Variants in KCNJ6 observed in about 807,000 individuals in gnomAD.
The protein encoded by KCNJ6 is G protein-activated inward rectifier potassium channel 2.
A neutral mutation model predicts 34.2 loss-of-function variants in KCNJ6; 9 were observed. That is an observed-to-expected ratio of 0.26 (90% CI 0.16 to 0.46). The LOEUF is 0.46. KCNJ6 is among the 20% of genes least tolerant of loss of function. KCNJ6 has a pLI of 1.00. For synonymous variants in KCNJ6, 196 were observed against 207.1 expected, an observed-to-expected ratio of 0.95 and a Z score of 0.46; for missense variants, 236 against 531.3, an observed-to-expected ratio of 0.44 and a Z score of 5.46.
In KCNJ6 at chr21:37,761,207, TTGTG is replaced by T. The variant is rs369282745; in HGVS notation, c.26-46080_26-46077del. 9.9e-3 allele frequency among the ~76,000 whole-genome samples: 1,492 copies of T among 150,268 alleles called. 18 individuals carry two copies. Among genetic ancestry groups the T allele is most frequent in the African/African-American group, 0.034 (1,399 of 40,916 alleles). Reference sequence around the variant, plus strand: ...TGTGTGTGCGATGTGTGTGTATGTATTGTGTGTGTGTGTGCATGTCTGTGTGTGT... The same window carrying T: ...TGTGTGTGCGATGTGTGTGTATGTATTGTGTGTGTGCATGTCTGTGTGTGT... On this transcript the variant is annotated intron_variant, in intron 2 of 3. Transcript: ENST00000609713.
chr21:37,706,838 T>C (rs1601428585), intron 3 of KCNJ6, among the ~76,000 whole-genome samples: 1 of 152,242 alleles, frequency 6.6e-6, no homozygotes, highest in African/African-American at 2.4e-5. Flanking sequence ...ATTTTCTAAA[T>C]TGGAACATCA....
At position 37,762,718 on chromosome 21, in the gene KCNJ6, G is replaced by A. The variant is rs573818832; in HGVS notation, c.26-47587C>T. ...GCCATTCGGTGACCTGTGGCGCTGC[G>A]CTGTGTGATGATTGCTGATCAGCTG... On this transcript the variant is annotated intron_variant, in intron 2 of 3. Transcript: ENST00000609713. 4.6e-5 allele frequency among the ~76,000 whole-genome samples: 7 copies of A among 152,184 alleles called. No individual in the cohort carries two copies. The East Asian group carries it at 5.8e-4, about 13-fold the overall frequency.
At chr21:37,769,321 A>G (rs754958906) in intron 2 of KCNJ6, among the ~76,000 whole-genome samples, 16 of 151,898 alleles carry the variant, frequency 1.1e-4, no homozygotes, top group South Asian at 4.2e-4. Context: ...GTGTTCAGAT[A>G]CCCCCCACCC....
At chr21:37,720,800 C>T (rs1316903769) in intron 2 of KCNJ6, among the ~76,000 whole-genome samples, 4 of 151,352 alleles carry the variant, frequency 2.6e-5, no homozygotes, top group African/African-American at 7.3e-5. Context: ...CTCCGCTTCC[C>T]GGGTTCACGC....
At chr21:37,725,705 C>T (rs763356559) in intron 2 of KCNJ6, among the ~76,000 whole-genome samples, 29 of 152,172 alleles carry the variant, frequency 1.9e-4, no homozygotes, top group Non-Finnish European at 2.9e-4. Context: ...AAATTGTATG[C>T]AGGGATGTAG....
At chr21:37,630,600 G>A (rs545281446) in intron 3 of KCNJ6, among the ~76,000 whole-genome samples, 1 of 152,278 alleles carries the variant, frequency 6.6e-6, no homozygotes, top group African/African-American at 2.4e-5. Flanking sequence ...AGGACCCTTA[G>A]CTAAGATATA....
intron 2 of KCNJ6, among the ~76,000 whole-genome samples, chr21:37,727,472 T>TGTGTGC (rs2054860820): frequency 6.6e-6 from 1 of 151,644 alleles, no homozygotes; most frequent in South Asian, 2.1e-4. Flanking sequence ...TGTGTGTGTG[T>TGTGTGC]GTGCATGGAT....
chr21:37,625,097 GA>G lies in KCNJ6; in HGVS notation c.*61del. ...AGCAAGAGAGACAGAAAAAGAAAGA[GA>G]ATGAGAGACAAGGAAAGATTGTGTT... On this transcript the variant is annotated 3_prime_UTR_variant, in exon 4 of 4. Coordinates refer to ENST00000609713, the MANE Select transcript of KCNJ6 (RefSeq NM_002240.5). 9 of 1,163,786 alleles carry G rather than the reference GA, an allele frequency of 7.7e-6. No homozygotes were observed. Among genetic ancestry groups the G allele is most frequent in the Non-Finnish European group, 1.0e-5 (8 of 802,396 alleles). 72.1% of individuals were successfully genotyped at this position (1,163,786 alleles called of 1,614,324 possible). A position where few individuals can be genotyped will look rare whatever the true frequency, so the allele number is the denominator to read the frequency against.
chr21:37,655,965 A>C (rs977197679), intron 3 of KCNJ6, among the ~76,000 whole-genome samples: 7 of 152,194 alleles, frequency 4.6e-5, no homozygotes, highest in Admixed American at 4.6e-4. Flanking sequence ...ATGGCATAGG[A>C]GAGAGCGTGT....
In KCNJ6 at chr21:37,623,882, C is replaced by T. The variant is rs190588432; in HGVS notation, c.*1277G>A. 1.3e-5 allele frequency: 2 copies of T among 152,298 alleles called. No homozygotes were observed. The highest frequency in any genetic ancestry group is 3.9e-4 in the East Asian group (2 of 5,182). 9.4% of individuals were successfully genotyped at this position (152,298 alleles called of 1,614,324 possible). A position where few individuals can be genotyped will look rare whatever the true frequency, so the allele number is the denominator to read the frequency against. On this transcript the variant is annotated 3_prime_UTR_variant, in exon 4 of 4. Coordinates refer to ENST00000609713, the MANE Select transcript of KCNJ6 (RefSeq NM_002240.5). ...CCAGGGACAGGCGAGATGTCATTCTCAGAAAGCCAGATAGAGTCAAAGTGA... is the reference window on the plus strand; with the variant it reads ...CCAGGGACAGGCGAGATGTCATTCTTAGAAAGCCAGATAGAGTCAAAGTGA...
At chr21:37,818,843 G>T (rs1003441010) in intron 2 of KCNJ6, among the ~76,000 whole-genome samples, 2 of 152,126 alleles carry the variant, frequency 1.3e-5, no homozygotes, top group Admixed American at 6.5e-5. Context: ...CAACCTGTTT[G>T]CATTTCTGAC....
intron 2 of KCNJ6, among the ~76,000 whole-genome samples, chr21:37,835,918 C>T (rs1438567261): frequency 6.6e-6 from 1 of 152,116 alleles, no homozygotes; most frequent in Non-Finnish European, 1.5e-5. Context: ...TGTGAAGATG[C>T]AAATAGAGAT....
At chr21:37,772,937 G>A (rs958790143) in intron 2 of KCNJ6, among the ~76,000 whole-genome samples, 7 of 152,184 alleles carry the variant, frequency 4.6e-5, no homozygotes, top group African/African-American at 1.7e-4. Context: ...AATCCTTTCA[G>A]GAAGCCTGAT....
chr21:37,655,246 AGAGAGAGAG>A (rs2054457537), intron 3 of KCNJ6, among the ~76,000 whole-genome samples: 1 of 44,142 alleles, frequency 2.3e-5, no homozygotes, highest in African/African-American at 1.4e-4. Flanking sequence ...AGAGAGAGAG[AGAGAGAGAG>A]AGAGAGAGAG....
intron 1 of KCNJ6, among the ~76,000 whole-genome samples, chr21:37,855,958 T>A (rs2055563048): frequency 6.6e-6 from 1 of 152,172 alleles, no homozygotes; most frequent in Admixed American, 6.5e-5. Flanking sequence ...AGCCTCCCTG[T>A]CCCAGAGCAC....
intron 2 of KCNJ6, among the ~76,000 whole-genome samples, chr21:37,774,925 G>A (rs1336471427): frequency 7.9e-5 from 12 of 152,252 alleles, no homozygotes; most frequent in African/African-American, 2.2e-4. Flanking sequence ...GAATTGCCAC[G>A]CTGACTTCCA....
At chr21:37,860,597 T>C (rs1427454726) in intron 1 of KCNJ6, among the ~76,000 whole-genome samples, 1 of 152,076 alleles carries the variant, frequency 6.6e-6, no homozygotes, top group Non-Finnish European at 1.5e-5. Flanking sequence ...GTCCCTAGGC[T>C]CCCTCCACCC....
At chr21:37,700,300 G>A (rs983727906) in intron 3 of KCNJ6, among the ~76,000 whole-genome samples, 3 of 152,190 alleles carry the variant, frequency 2.0e-5, no homozygotes, top group African/African-American at 7.2e-5. Flanking sequence ...TAATGGAAAA[G>A]GGTATCCTAG....
chr21:37,651,807 A>G (rs2054434899), intron 3 of KCNJ6, among the ~76,000 whole-genome samples: 1 of 152,186 alleles, frequency 6.6e-6, no homozygotes, highest in Non-Finnish European at 1.5e-5. Flanking sequence ...GGATGGTTGG[A>G]TAAAGTCTTC....
Sources: allele counts gnomAD v4.1 joint callset (sites outside exome capture counted in the v4.1 genomes callset), GRCh38; gene constraint gnomAD v4.1.1; transcripts MANE v1.5; gene names NCBI Gene and HGNC (gene_info 2026-07-23, HGNC 2026-07-21).